The following SLC35D2 variants were observed in gnomAD, a reference collection of about 807,000 sequenced individuals.
SLC35D2 encodes nucleotide sugar transporter SLC35D2.
Under a neutral mutation model 41.8 loss-of-function variants are expected in SLC35D2, and 43 were observed. The observed-to-expected ratio is 1.03, with a 90% CI of 0.81 to 1.33. The LOEUF is 1.33. SLC35D2 is among the 40% of genes most tolerant of loss of function. The pLI, the probability that SLC35D2 is intolerant of heterozygous loss-of-function variation, is 0.00. For synonymous variants in SLC35D2, 150 were observed against 163.9 expected, an observed-to-expected ratio of 0.92 and a Z score of 0.65; for missense variants, 380 against 408.4, an observed-to-expected ratio of 0.93 and a Z score of 0.60.
At chr9:96,342,706 G>A (rs900486953) in intron 8 of SLC35D2, among the ~76,000 whole-genome samples, 5 of 152,092 alleles carry the variant, frequency 3.3e-5, no homozygotes, top group East Asian at 1.9e-4. Flanking sequence ...GTTTGTGCCC[G>A]GGGACGAGGT....
intron 6 of SLC35D2, among the ~76,000 whole-genome samples, chr9:96,346,841 A>AG (rs1223510473): frequency 6.6e-6 from 1 of 152,116 alleles, no homozygotes; most frequent in East Asian, 1.9e-4. Context: ...AAAAAAAAAA[A>AG]AAAAAGGATT....
chr9:96,323,919 C>CT (rs1454107310), intron 10 of SLC35D2, among the ~76,000 whole-genome samples, 172 bp downstream of exon 10: 1 of 148,696 alleles, frequency 6.7e-6, no homozygotes, highest in South Asian at 2.2e-4. Flanking sequence ...GAACGAGACT[C>CT]TGTCTCAAAA....
intron 6 of SLC35D2, among the ~76,000 whole-genome samples, chr9:96,349,695 T>C (rs988602051): frequency 3.3e-5 from 5 of 152,102 alleles, no homozygotes; most frequent in Admixed American, 6.6e-5. Context: ...CTGGCTAATT[T>C]TTGTATTTTT....
At position 96,336,719 on chromosome 9, in the gene SLC35D2, C is replaced by T; in HGVS notation, c.750G>A (p.Leu250=). The change falls in exon 9 of 12, where the codon TTG becomes TTA. Residue 250 remains leucine (L), a splice_region_variant and synonymous_variant. Coordinates refer to ENST00000253270, the MANE Select transcript of SLC35D2 (RefSeq NM_007001.3). ...TCTACTTATCTATGGTTTCTTACCC[C>T]AAAAAACAGGAAAGAAGAAACTGTA... ...FILQFLLSCF[L]GFLLMYSTVL... 4 of 1,570,408 alleles carry T rather than the reference C, an allele frequency of 2.5e-6. No individual in the cohort carries two copies. The South Asian group carries it at 4.6e-5, about 18-fold the overall frequency.
intron 3 of SLC35D2, among the ~76,000 whole-genome samples, chr9:96,364,036 C>G (rs1830385034): frequency 6.6e-6 from 1 of 152,142 alleles, no homozygotes; most frequent in African/African-American, 2.4e-5. Context: ...AGTTTCTTGG[C>G]CAGGCACAGT....
chr9:96,343,712 T>C (rs1256827733), intron 8 of SLC35D2, among the ~76,000 whole-genome samples, 192 bp downstream of exon 8: 1 of 152,218 alleles, frequency 6.6e-6, no homozygotes, highest in Non-Finnish European at 1.5e-5. Flanking sequence ...CCTTGATATG[T>C]GGCTAAGGAT....
intron 2 of SLC35D2, among the ~76,000 whole-genome samples, chr9:96,365,979 C>A (rs1830456911): frequency 6.6e-6 from 1 of 152,180 alleles, no homozygotes; most frequent in South Asian, 2.1e-4. Context: ...GTACTTTGTA[C>A]TTACGCCTCA....
intron 3 of SLC35D2, among the ~76,000 whole-genome samples, chr9:96,363,618 C>T (rs1345121971): frequency 5.9e-5 from 9 of 152,248 alleles, no homozygotes; most frequent in East Asian, 1.9e-4. Flanking sequence ...AGTTCCAGGA[C>T]GGAAAAAACT....
chr9:96,348,948 T>G (rs1001938602), intron 6 of SLC35D2, among the ~76,000 whole-genome samples: 1 of 152,142 alleles, frequency 6.6e-6, no homozygotes, highest in African/African-American at 2.4e-5. Context: ...AGTCTTTAAC[T>G]GGCTGTAAGT....
intron 9 of SLC35D2, among the ~76,000 whole-genome samples, chr9:96,327,690 T>C (rs902075958): frequency 1.3e-5 from 2 of 151,742 alleles, no homozygotes; most frequent in African/African-American, 4.8e-5. Context: ...GGTGTGATCA[T>C]GGTTCACTGC....
chr9:96,333,040 A>C (rs1312489082), intron 9 of SLC35D2, among the ~76,000 whole-genome samples: 1 of 150,494 alleles, frequency 6.6e-6, no homozygotes, highest in Non-Finnish European at 1.5e-5. Flanking sequence ...CTGGGATTAC[A>C]GGCACATGCC....
At chr9:96,371,260 T>C (rs1331650184) in intron 1 of SLC35D2, among the ~76,000 whole-genome samples, 1 of 151,434 alleles carries the variant, frequency 6.6e-6, no homozygotes, top group African/African-American at 2.4e-5. Flanking sequence ...AGGTCAGGAG[T>C]TCGAAACCAG....
chr9:96,383,083 A>T (rs567051630), intron 1 of SLC35D2, among the ~76,000 whole-genome samples: 6 of 152,316 alleles, frequency 3.9e-5, no homozygotes, highest in African/African-American at 1.2e-4. Context: ...ATGAACAGTC[A>T]ATCAATACAG....
Position 96,335,945 on chromosome 9 carries a change from C to T in SLC35D2, c.752+772G>A, listed in dbSNP as rs191795265. ...GTGCATGCCTGTAATCCCAGCTACT[C>T]GGGAGGCTGAGGCAGAATTGCTTGA... On this transcript the variant is annotated intron_variant, in intron 9 of 11. Coordinates refer to ENST00000253270, the MANE Select transcript of SLC35D2 (RefSeq NM_007001.3). Among the ~76,000 whole-genome samples the T allele has an allele frequency of 4.6e-5, 7 of 150,876 alleles. No individual in the cohort carries two copies. In the East Asian group the frequency reaches 1.2e-3, roughly 25 times the overall value.
intron 4 of SLC35D2, among the ~76,000 whole-genome samples, chr9:96,353,360 T>TTTAC (rs1554714485): frequency 6.6e-6 from 1 of 151,832 alleles, no homozygotes; most frequent in Non-Finnish European, 1.5e-5. Flanking sequence ...TATTTATTTA[T>TTTAC]TTATTTATTT....
chr9:96,322,256 C>T (rs566003526), intron 10 of SLC35D2, among the ~76,000 whole-genome samples, 176 bp from the exon 11 acceptor site: 6 of 152,292 alleles, frequency 3.9e-5, no homozygotes, highest in South Asian at 4.1e-4. Context: ...TGATGGCTCA[C>T]GCCTGTAATC....
intron 4 of SLC35D2, among the ~76,000 whole-genome samples, chr9:96,352,800 G>A (rs766317246): frequency 1.7e-4 from 26 of 152,090 alleles, no homozygotes; most frequent in Non-Finnish European, 2.9e-4. Context: ...CACTTTGGGA[G>A]GCCGAGGTGG....
At chr9:96,355,512 T>C (rs147023966) in intron 4 of SLC35D2, among the ~76,000 whole-genome samples, 1,846 of 151,944 alleles carry the variant, frequency 0.012, 36 homozygotes, top group African/African-American at 0.042. Flanking sequence ...AATTTTTTTT[T>C]TTTGAGACGG....
At position 96,374,838 on chromosome 9, in the gene SLC35D2, C is replaced by T. The variant is rs566353870; in HGVS notation, c.159-6533G>A. ...GCGCAAAAGAGCAAGAGCGACACTC[C>T]GCCTCAAAAAAAAAAAAAAAATTCA... is the stretch of plus-strand genomic sequence containing the variant. On this transcript the variant is annotated intron_variant, in intron 1 of 11. Coordinates refer to ENST00000253270, the MANE Select transcript of SLC35D2 (RefSeq NM_007001.3). Among the ~76,000 whole-genome samples the T allele has an allele frequency of 1.1e-4, 16 of 146,226 alleles. No individual in the cohort carries two copies. The South Asian group carries it at 3.0e-3, about 27-fold the overall frequency.
Sources: gnomAD v4.1 joint callset for allele counts (sites outside exome capture counted in the v4.1 genomes callset) on GRCh38, gnomAD v4.1.1 for gene constraint, MANE v1.5 for transcripts, NCBI Gene and HGNC (gene_info 2026-07-23, HGNC 2026-07-21) for gene names.